The following FAM90A26 variants were observed in gnomAD, a reference collection of about 807,000 sequenced individuals.
FAM90A26 encodes protein FAM90A26.
At chr4:9,172,493 T>C (rs371942849) in intron 3 of FAM90A26, among the ~76,000 whole-genome samples, 1 of 42,352 alleles carries the variant, frequency 2.4e-5, no homozygotes, top group Non-Finnish European at 5.5e-5. Flanking sequence ...GTTCACCGTT[T>C]GTTTAGATGA....
At chr4:9,175,114 T>C in intron 6 of FAM90A26, 91 bp from the exon 7 acceptor site, 1 of 138,254 alleles carries the variant, frequency 7.2e-6, no homozygotes, top group Non-Finnish European at 1.3e-5. Context: ...AAGAATTTCA[T>C]GGCGTGTGCA....
In FAM90A26 at chr4:9,173,106, G is replaced by A. The variant is rs1277511560; in HGVS notation, c.-56-11G>A. 2 of 160,958 alleles carry A rather than the reference G, an allele frequency of 1.2e-5. 1 individual carries two copies. Among genetic ancestry groups the A allele is most frequent in the Non-Finnish European group, 2.1e-5 (2 of 94,134 alleles). The allele number at this position is 160,958 out of a possible 1,614,324, so 10.0% of individuals were successfully genotyped here. On this transcript the variant is annotated splice_polypyrimidine_tract_variant and intron_variant, in intron 3 of 6. Coordinates refer to ENST00000512047, the Ensembl canonical transcript of FAM90A26. The stretch of plus-strand genomic sequence containing the variant: ...CTTAACCATCGACGTGTGTGTTTGT[G>A]TGTGTTTCAGGTGACCCAAAAATCA...
intron 3 of FAM90A26, among the ~76,000 whole-genome samples, chr4:9,172,504 A>G (rs1713454160): frequency 2.4e-5 from 1 of 41,548 alleles, no homozygotes; most frequent in African/African-American, 7.8e-5. Flanking sequence ...GTTTAGATGA[A>G]TTCGTGTGGC....
Position 9,172,462 on chromosome 4 carries a change from C to A in FAM90A26, c.-57+293C>A, listed in dbSNP as rs1263722307. On this transcript the variant is annotated intron_variant, in intron 3 of 6. Transcript: ENST00000512047. Reference sequence around the variant, plus strand: ...TGGTTTGCCCTTCAGCCGTGTAAGACGTCGATACGATATGGCACTTGTTCA... The same window carrying A: ...TGGTTTGCCCTTCAGCCGTGTAAGAAGTCGATACGATATGGCACTTGTTCA... Among the ~76,000 whole-genome samples, 3 of 44,128 alleles carry A rather than the reference C, an allele frequency of 6.8e-5. 1 individual carries two copies. Among genetic ancestry groups the A allele is most frequent in the East Asian group, 8.0e-4 (1 of 1,250 alleles). 28.9% of individuals were successfully genotyped at this position (44,128 alleles called of 152,430 possible). A position where few individuals can be genotyped will look rare whatever the true frequency, so the allele number is the denominator to read the frequency against.
Position 9,171,805 on chromosome 4 carries a change from G to A in FAM90A26, c.-214+67G>A, listed in dbSNP as rs1319579246. 22 of 24,126 alleles carry A rather than the reference G, an allele frequency of 9.1e-4. 11 individuals carry two copies. Among genetic ancestry groups the A allele is most frequent in the African/African-American group, 5.7e-3 (22 of 3,836 alleles). 1.5% of individuals were successfully genotyped at this position (24,126 alleles called of 1,614,324 possible). A position where few individuals can be genotyped will look rare whatever the true frequency, so the allele number is the denominator to read the frequency against. On this transcript the variant is annotated intron_variant, in intron 2 of 6. Transcript: ENST00000512047. ...AAAAAAGATGGAAAAGAAGACAGGG[G>A]TACAGGCACCAGTGTTACATGTCTG... is the stretch of plus-strand genomic sequence containing the variant.
At position 9,174,000 on chromosome 4, in the gene FAM90A26, A is replaced by G. The variant is rs376433613; in HGVS notation, c.323+11A>G. 0.017 allele frequency: 3,180 copies of G among 189,374 alleles called. 1,505 individuals carry two copies. The East Asian group carries it at 0.22, about 13-fold the overall frequency. 11.7% of individuals were successfully genotyped at this position (189,374 alleles called of 1,614,324 possible). On this transcript the variant is annotated intron_variant, in intron 5 of 6. Transcript: ENST00000512047. The stretch of plus-strand genomic sequence containing the variant: ...GGAAGAGAGACCAAGGTGAGCAGTG[A>G]GAGGGGTTTTCACCACTCTTAGGGC...
intron 3 of FAM90A26, among the ~76,000 whole-genome samples, chr4:9,172,483 G>C (rs147422675): frequency 0.26 from 10,571 of 40,274 alleles, 2,652 homozygotes; most frequent in African/African-American, 0.51. Context: ...TATGGCACTT[G>C]TTCACCGTTT....
In FAM90A26 at chr4:9,173,380, T is replaced by A; in HGVS notation, c.123+85T>A. 1.8e-5 allele frequency: 2 copies of A among 110,254 alleles called. 1 individual carries two copies. Among genetic ancestry groups the A allele is most frequent in the Non-Finnish European group, 3.3e-5 (2 of 60,574 alleles). The allele number at this position is 110,254 out of a possible 1,614,324, so 6.8% of individuals were successfully genotyped here. A position where few individuals can be genotyped will look rare whatever the true frequency, so the allele number is the denominator to read the frequency against. On this transcript the variant is annotated intron_variant, in intron 4 of 6. Coordinates refer to ENST00000512047, the Ensembl canonical transcript of FAM90A26. ...TGTCACACGGTCCTCAGAGACTGGG[T>A]TGGATTCCAAAGAGTTCTGTCACCA...
chr4:9,171,708 C>G lies in FAM90A26; in HGVS notation c.-244C>G, dbSNP rs1398978639. The G allele has an allele frequency of 8.6e-5, 2 of 23,126 alleles. 1 individual carries two copies. The highest frequency in any genetic ancestry group is 1.7e-4 in the Non-Finnish European group (2 of 11,496). The allele number at this position is 23,126 out of a possible 1,614,324, so 1.4% of individuals were successfully genotyped here. On this transcript the variant is annotated 5_prime_UTR_variant, in exon 2 of 7. Coordinates refer to ENST00000512047, the Ensembl canonical transcript of FAM90A26. ...TCCTTGATGACACTGAGGCCCACGT[C>G]GAGATAGAGTAAATATGGTCCAATT...
rs561805255 is a variant in FAM90A26, at chr4:9,171,745, A to G, written c.-214+7A>G. On this transcript the variant is annotated splice_region_variant and intron_variant, in intron 2 of 6. Transcript: ENST00000512047. ...AATATGGTCCAATTAAAAGGTGTCT[A>G]TTTTACCACATTTTTTAAAACAAAA... 2 of 23,680 alleles carry G rather than the reference A, an allele frequency of 8.4e-5. 1 individual carries two copies. The highest frequency in any genetic ancestry group is 1.8e-3 in the South Asian group (2 of 1,138). The allele number at this position is 23,680 out of a possible 1,614,324, so 1.5% of individuals were successfully genotyped here.
In FAM90A26 at chr4:9,173,094, G is replaced by T; in HGVS notation, c.-56-23G>T. On this transcript the variant is annotated intron_variant, in intron 3 of 6. Coordinates refer to ENST00000512047, the Ensembl canonical transcript of FAM90A26. The stretch of plus-strand genomic sequence containing the variant: ...ATATCCAATGTGCTTAACCATCGAC[G>T]TGTGTGTTTGTGTGTGTTTCAGGTG... The T allele has an allele frequency of 1.4e-5, 2 of 144,462 alleles. 1 individual carries two copies. The highest frequency in any genetic ancestry group is 2.5e-5 in the Non-Finnish European group (2 of 81,162). The allele number at this position is 144,462 out of a possible 1,614,324, so 8.9% of individuals were successfully genotyped here.
At position 9,173,407 on chromosome 4, in the gene FAM90A26, C is replaced by A. The variant is rs1713469167; in HGVS notation, c.123+112C>A. 1.9e-5 allele frequency: 2 copies of A among 107,500 alleles called. 1 individual carries two copies. The allele number at this position is 107,500 out of a possible 1,614,324, so 6.7% of individuals were successfully genotyped here. A position where few individuals can be genotyped will look rare whatever the true frequency, so the allele number is the denominator to read the frequency against. On this transcript the variant is annotated intron_variant, in intron 4 of 6. Coordinates refer to ENST00000512047, the Ensembl canonical transcript of FAM90A26. ...GGATTCCAAAGAGTTCTGTCACCAC[C>A]ACCCAGGTTGCTTTTCCCATCCAAG...
rs1377911365 is a variant in FAM90A26, at chr4:9,171,227, GA to G, written c.-420-294del. ...AAAATAGACACCAATGACGAAACAAGAAAAAAAAAAAGATGCTTGGAAACTA... is the reference window on the plus strand; with the variant it reads ...AAAATAGACACCAATGACGAAACAAGAAAAAAAAAAGATGCTTGGAAACTA... On this transcript the variant is annotated intron_variant, in intron 1 of 6. Coordinates refer to ENST00000512047, the Ensembl canonical transcript of FAM90A26. Among the ~76,000 whole-genome samples the G allele has an allele frequency of 5.9e-3, 68 of 11,614 alleles. 17 individuals are homozygous for G. Among genetic ancestry groups the G allele is most frequent in the East Asian group, 0.056 (32 of 576 alleles). The allele number at this position is 11,614 out of a possible 152,430, so 7.6% of individuals were successfully genotyped here.
In FAM90A26 at chr4:9,175,342, T is replaced by C. The variant is rs182902800; in HGVS notation, c.570T>C (p.Ser190=). 7.1e-6 allele frequency: 2 copies of C among 282,534 alleles called. 1 individual carries two copies. The highest frequency in any genetic ancestry group is 2.2e-4 in the East Asian group (2 of 9,210). The allele number at this position is 282,534 out of a possible 1,614,324, so 17.5% of individuals were successfully genotyped here. A position where few individuals can be genotyped will look rare whatever the true frequency, so the allele number is the denominator to read the frequency against. ...CACTGTCTCCCCTCAGAAAAGCCAGTCTGAGCTCCTCCTCAAGTCTTGGAC... is the reference window on the plus strand; with the variant it reads ...CACTGTCTCCCCTCAGAAAAGCCAGCCTGAGCTCCTCCTCAAGTCTTGGAC... The change falls in exon 7 of 7, where the codon AGT becomes AGC. Residue 190 remains serine, a synonymous_variant. Transcript: ENST00000512047.
In FAM90A26 at chr4:9,171,421, G is replaced by A. The variant is rs557207731; in HGVS notation, c.-420-111G>A. On this transcript the variant is annotated intron_variant, in intron 1 of 6. Coordinates refer to ENST00000512047, the Ensembl canonical transcript of FAM90A26. The stretch of plus-strand genomic sequence containing the variant: ...AGATCGTGGGAAGCACAGGGTAAAG[G>A]CGGGGTGCCCCTCCCTGGACTCCAA... The A allele has an allele frequency of 8.0e-5, 2 of 25,078 alleles. 1 individual carries two copies. The highest frequency in any genetic ancestry group is 1.8e-3 in the South Asian group (2 of 1,126). The allele number at this position is 25,078 out of a possible 1,614,324, so 1.6% of individuals were successfully genotyped here.
At chr4:9,172,507 C>A (rs1458075737) in intron 3 of FAM90A26, among the ~76,000 whole-genome samples, 3 of 40,990 alleles carry the variant, frequency 7.3e-5, no homozygotes, top group African/African-American at 2.4e-4. Flanking sequence ...TAGATGAATT[C>A]GTGTGGCATG....
intron 3 of FAM90A26, among the ~76,000 whole-genome samples, chr4:9,172,471 G>A (rs1358937728): frequency 2.2e-5 from 1 of 44,560 alleles, no homozygotes; most frequent in South Asian, 7.3e-4. Context: ...ACGTCGATAC[G>A]ATATGGCACT....
chr4:9,171,204 A>AAAC (rs1553865336), intron 1 of FAM90A26, among the ~76,000 whole-genome samples: 1 of 21,114 alleles, frequency 4.7e-5, no homozygotes, highest in East Asian at 1.2e-3. Context: ...AAAAAAAAAA[A>AAAC]ATAGACACCA....
At position 9,173,715 on chromosome 4, in the gene FAM90A26, C is replaced by T. The variant is rs1213056418; in HGVS notation, c.124-75C>T. 6.3e-5 allele frequency: 8 copies of T among 126,830 alleles called. 4 individuals carry two copies. In the African/African-American group the frequency reaches 7.5e-4, roughly 12 times the overall value. 7.9% of individuals were successfully genotyped at this position (126,830 alleles called of 1,614,324 possible). On this transcript the variant is annotated intron_variant, in intron 4 of 6. Transcript: ENST00000512047. ...CTTATTCAGCTCTGAATTCACAATC[C>T]GTCTCAATGTTGACGTGGGATCGCT... is the stretch of plus-strand genomic sequence containing the variant.
Sources: gnomAD v4.1 joint callset for allele counts (sites outside exome capture counted in the v4.1 genomes callset) on GRCh38, gnomAD v4.1.1 for gene constraint, MANE v1.5 for transcripts, NCBI Gene and HGNC (gene_info 2026-07-23, HGNC 2026-07-21) for gene names.